Variants in CNNM1 observed in about 807,000 individuals in gnomAD.
The protein encoded by CNNM1 is metal transporter CNNM1.
In CNNM1, 44 loss-of-function variants were observed where a neutral mutation model predicts 78.8. The ratio of observed to expected loss-of-function variants is 0.56; its 90% CI spans 0.44 to 0.72. The LOEUF is 0.72. Ranked by LOEUF, CNNM1 falls within the 30% of genes least tolerant of loss-of-function variation. The pLI, the probability that CNNM1 is intolerant of heterozygous loss-of-function variation, is 0.00. For synonymous variants in CNNM1, 584 were observed against 581.5 expected, an observed-to-expected ratio of 1.00 and a Z score of -0.06; for missense variants, 1,101 against 1,292.2, an observed-to-expected ratio of 0.85 and a Z score of 2.27.
At chr10:99,387,367 G>A (rs1048456989) in intron 7 of CNNM1, among the ~76,000 whole-genome samples, 29 of 152,196 alleles carry the variant, frequency 1.9e-4, no homozygotes, top group Admixed American at 2.6e-4. Flanking sequence ...AAATGCCTGT[G>A]TTCTCTCAGG....
intron 6 of CNNM1, among the ~76,000 whole-genome samples, chr10:99,373,541 C>T (rs1196280563): frequency 6.6e-6 from 1 of 152,210 alleles, no homozygotes; most frequent in East Asian, 1.9e-4. Flanking sequence ...CTGGCCAAGC[C>T]AGAACTCATC....
intron 6 of CNNM1, chr10:99,368,672 G>A (rs1375148224): frequency 1.6e-6 from 2 of 1,289,466 alleles, no homozygotes; most frequent in South Asian, 1.2e-5. Flanking sequence ...TCTCTGGCAG[G>A]CTCCCCAGGT....
chr10:99,362,464 T>G (rs2031472156), intron 4 of CNNM1, 68 bp downstream of exon 4: 442 of 1,364,346 alleles, frequency 3.2e-4, no homozygotes, highest in Non-Finnish European at 4.0e-4. Flanking sequence ...GAAATGGCCA[T>G]GCCTCCGTCA....
At chr10:99,355,031 T>C (rs1356122157) in intron 1 of CNNM1, among the ~76,000 whole-genome samples, 1 of 152,168 alleles carries the variant, frequency 6.6e-6, no homozygotes, top group African/African-American at 2.4e-5. Context: ...TTCGTTTCAG[T>C]TTAAAAACTC....
chr10:99,331,861 G>GAA lies in CNNM1; in HGVS notation c.1573+904_1573+905dup, dbSNP rs1453074475. On this transcript the variant is annotated intron_variant, in intron 1 of 10. Coordinates refer to ENST00000356713, the MANE Select transcript of CNNM1 (RefSeq NM_020348.3). ...AATATTCTGGGTAGAGGAGATCCTA[G>GAA]AAAACTTGCATACCCAAATGAGTGG... is the stretch of plus-strand genomic sequence containing the variant. Among the ~76,000 whole-genome samples the GAA allele has an allele frequency of 1.1e-4, 16 of 152,286 alleles. No homozygotes were observed. The South Asian group carries it at 3.1e-3, about 30-fold the overall frequency.
Position 99,357,546 on chromosome 10 carries a change from T to C in CNNM1, c.1608T>C (p.Asn536=). The C allele has an allele frequency of 6.2e-7, 1 of 1,613,638 alleles. No homozygotes were observed. The highest frequency in any genetic ancestry group is 1.1e-5 in the South Asian group (1 of 91,006). The change falls in exon 2 of 11, where the codon AAT becomes AAC. Residue 536 remains asparagine (N), a synonymous_variant. Coordinates refer to ENST00000356713, the MANE Select transcript of CNNM1 (RefSeq NM_020348.3). Reference sequence around the variant, plus strand: ...ACCTGGCCATTGTCCAGCGGGTGAATAATGAGGGAGAAGGGGACCCTTTCT... The same window carrying C: ...ACCTGGCCATTGTCCAGCGGGTGAACAATGAGGGAGAAGGGGACCCTTTCT... The part of the protein sequence containing the change: ...KSHLAIVQRV[N]NEGEGDPFYE...
intron 1 of CNNM1, among the ~76,000 whole-genome samples, chr10:99,356,272 T>C (rs2031141632): frequency 2.0e-5 from 3 of 151,900 alleles, no homozygotes; most frequent in Admixed American, 2.0e-4. Context: ...GGTCAAGAGA[T>C]CGAGACCATC....
intron 7 of CNNM1, among the ~76,000 whole-genome samples, chr10:99,377,524 C>A (rs1347366894): frequency 1.3e-5 from 2 of 152,174 alleles, no homozygotes; most frequent in African/African-American, 4.8e-5. Context: ...TCCTTTGCAT[C>A]CCCTACCATT....
intron 6 of CNNM1, chr10:99,368,553 T>G: frequency 1.9e-6 from 2 of 1,075,762 alleles, no homozygotes; most frequent in Admixed American, 4.6e-5. Flanking sequence ...GTTCTTTGTC[T>G]CTTTCCTTTT....
chr10:99,355,561 A>G (rs1394627543), intron 1 of CNNM1, among the ~76,000 whole-genome samples: 1 of 152,216 alleles, frequency 6.6e-6, no homozygotes, highest in African/African-American at 2.4e-5. Context: ...CCAGATTTTT[A>G]TTTTAGAAAA....
At position 99,390,385 on chromosome 10, in the gene CNNM1, C is replaced by A. The variant is rs1439941859; in HGVS notation, c.2754C>A (p.Gly918=). The A allele has an allele frequency of 6.2e-7, 1 of 1,612,446 alleles. No homozygotes were observed. Residue 918 remains glycine, a synonymous_variant, in exon 10 of 11, where the codon GGC becomes GGA. Coordinates refer to ENST00000356713, the MANE Select transcript of CNNM1 (RefSeq NM_020348.3). The stretch of plus-strand genomic sequence containing the variant: ...GTAGCGATTTTGAGGAAAACGTGGG[C>A]AAGAAGCTGCTGAGAACCTTGAGTG... ...PCSSDFEENV[G]KKLLRTLSGQ...
chr10:99,349,035 A>C (rs1034443751), intron 1 of CNNM1, among the ~76,000 whole-genome samples: 4 of 152,204 alleles, frequency 2.6e-5, no homozygotes, highest in African/African-American at 9.6e-5. Context: ...GCACCACTGC[A>C]CTCCAACCTG....
At position 99,329,446 on chromosome 10, in the gene CNNM1, G is replaced by T; in HGVS notation, c.59G>T (p.Ser20Ile). Residue 20 changes from serine to isoleucine, a missense_variant, in exon 1 of 11, where the codon AGC (serine) becomes ATC (isoleucine). Ser to Ile is a moderately radical substitution (Grantham distance 142). Transcript: ENST00000356713. ...AVGVRLRDCCSRGAVLLLFFS... is the reference protein window; with the variant it reads ...AVGVRLRDCCIRGAVLLLFFS... ...GGTGTCAGGCTCCGGGACTGCTGCAGCCGAGGCGCTGTGCTCCTGCTCTTC... is the reference window on the plus strand; with the variant it reads ...GGTGTCAGGCTCCGGGACTGCTGCATCCGAGGCGCTGTGCTCCTGCTCTTC... 1 of 1,325,476 alleles carries T rather than the reference G, an allele frequency of 7.5e-7. No individual in the cohort carries two copies. Among genetic ancestry groups the T allele is most frequent in the Non-Finnish European group, 1.0e-6 (1 of 976,360 alleles). The allele number at this position is 1,325,476 out of a possible 1,614,324, so 82.1% of individuals were successfully genotyped here.
chr10:99,362,448 G>C, intron 4 of CNNM1, 52 bp downstream of exon 4: 5 of 1,558,976 alleles, frequency 3.2e-6, no homozygotes, highest in Non-Finnish European at 8.7e-7. Flanking sequence ...GCATCTCCAG[G>C]GTGAAGAAAT....
intron 1 of CNNM1, among the ~76,000 whole-genome samples, chr10:99,349,414 A>AT (rs1259749627): frequency 6.6e-6 from 1 of 152,212 alleles, no homozygotes; most frequent in Non-Finnish European, 1.5e-5. Context: ...ATTAAAAAAA[A>AT]GGAATCCACA....
chr10:99,352,796 G>C (rs1006925975), intron 1 of CNNM1, among the ~76,000 whole-genome samples: 2 of 151,532 alleles, frequency 1.3e-5, no homozygotes, highest in African/African-American at 4.8e-5. Flanking sequence ...CTCCCATTCT[G>C]TGAATTGTCT....
chr10:99,384,431 G>T (rs2032246860), intron 7 of CNNM1, among the ~76,000 whole-genome samples: 1 of 152,114 alleles, frequency 6.6e-6, no homozygotes, highest in South Asian at 2.1e-4. Context: ...CCATTGGGTG[G>T]TACCTTTCCT....
intron 7 of CNNM1, among the ~76,000 whole-genome samples, chr10:99,386,397 G>A (rs989235974): frequency 6.6e-6 from 1 of 152,162 alleles, no homozygotes; most frequent in African/African-American, 2.4e-5. Flanking sequence ...CAAAAATCTT[G>A]TTTTAACAAG....
rs1264442499 is a variant in CNNM1, at chr10:99,360,982, C to A, written c.1858+7C>A. On this transcript the variant is annotated splice_region_variant and intron_variant, in intron 3 of 10. Transcript: ENST00000356713. ...CACCGCTTCATGGCCACAGGTAGGA[C>A]AAGTCTCCACTCCAGAGAAGCTAAA... is the stretch of plus-strand genomic sequence containing the variant. The A allele has an allele frequency of 6.3e-7, 1 of 1,597,576 alleles. No homozygotes were observed. Among genetic ancestry groups the A allele is most frequent in the Non-Finnish European group, 8.6e-7 (1 of 1,169,106 alleles).
Sources: allele counts gnomAD v4.1 joint callset (sites outside exome capture counted in the v4.1 genomes callset), GRCh38; gene constraint gnomAD v4.1.1; transcripts MANE v1.5; gene names NCBI Gene and HGNC (gene_info 2026-07-23, HGNC 2026-07-21).